NFU1: variants seen among roughly 807,000 people sequenced by gnomAD.
NFU1 encodes the protein NFU1 iron-sulfur cluster scaffold, also known as NFU1 iron-sulfur cluster scaffold homolog, mitochondrial.
In NFU1, 30 loss-of-function variants were observed where a neutral mutation model predicts 32.2. That is an observed-to-expected ratio of 0.93 (90% CI 0.70 to 1.26). The LOEUF (loss-of-function observed/expected upper bound fraction) is 1.26, where lower values mean the gene tolerates loss of function less well. Ranked by LOEUF, NFU1 falls within the 50% of genes most tolerant of loss-of-function variation. NFU1 has a pLI of 0.00. For synonymous variants in NFU1, 112 were observed against 104.6 expected (o/e 1.07, Z -0.43); for missense variants, 306 against 306.6 (o/e 1.00, Z 0.02).
upstream of NFU1, chr2:69,437,566 T>C (rs1673898586): frequency 9.9e-7 from 1 of 1,010,342 alleles, no homozygotes; most frequent in Non-Finnish European, 1.5e-6. Flanking sequence ...TGCGGTGGCC[T>C]ACGCGCCGAG....
At chr2:69,421,728 C>T (rs371618247) in intron 3 of NFU1, among the ~76,000 whole-genome samples, 141 of 152,056 alleles carry the variant, frequency 9.3e-4, no homozygotes, top group Non-Finnish European at 1.5e-3. Context: ...CCACCACATC[C>T]GGCTAATTTT....
At chr2:69,437,155 G>A (rs1673869911) in intron 1 of NFU1, 1 of 1,141,092 alleles carries the variant, frequency 8.8e-7, no homozygotes, top group Non-Finnish European at 1.2e-6. Context: ...AAGCTCCAGA[G>A]AGTCCGCCCG....
downstream of NFU1, chr2:69,395,937 T>C (rs552667917): frequency 1.1e-3 from 279 of 244,692 alleles, 6 homozygotes; most frequent in South Asian, 0.034. Flanking sequence ...TCTTCCTGTA[T>C]GGAAAAAAGT....
chr2:69,437,490 C>A, upstream of NFU1: 1 of 1,563,534 alleles, frequency 6.4e-7, no homozygotes, highest in South Asian at 1.2e-5. Context: ...GCAGGCTGGC[C>A]GGTAGCTGGG....
At chr2:69,416,812 C>T (rs970415095) in intron 4 of NFU1, among the ~76,000 whole-genome samples, 5 of 152,090 alleles carry the variant, frequency 3.3e-5, no homozygotes, top group Non-Finnish European at 7.3e-5. Flanking sequence ...GAAGGAGAAT[C>T]GCTTGAACCC....
rs759731697 is a variant in NFU1 at position 69,437,364 on chromosome 2, C to T, written c.59G>A (p.Arg20Lys). Residue 20 changes from arginine to lysine, a missense_variant, in exon 1 of 8, where the codon AGG (arginine) becomes AAG (lysine). Transcript: ENST00000410022. ...GAGCTCCAGGCTCGTCACCTACCGC[C>T]TGCGCAGCCCGGCGGCAACAGCCGC... ...GAAAVAAGLRRRFCHMLKNPY... is the reference protein window; with the variant it reads ...GAAAVAAGLRKRFCHMLKNPY... 5.6e-6 allele frequency: 9 copies of T among 1,607,626 alleles called. No individual in the cohort carries two copies. In the African/African-American group the frequency reaches 1.1e-4, roughly 19 times the overall value.
At chr2:69,417,542 C>T (rs1318343261) in intron 4 of NFU1, among the ~76,000 whole-genome samples, 1 of 151,618 alleles carries the variant, frequency 6.6e-6, no homozygotes, top group Non-Finnish European at 1.5e-5. Flanking sequence ...GTCCCAGCTA[C>T]TCGGGAAGCT....
chr2:69,400,780 C>T (rs1270226012), intron 6 of NFU1, among the ~76,000 whole-genome samples: 1 of 151,668 alleles, frequency 6.6e-6, no homozygotes, highest in Admixed American at 6.6e-5. Context: ...CGCATTTGAT[C>T]TTGCTTGCTA....
intron 5 of NFU1, among the ~76,000 whole-genome samples, chr2:69,413,682 C>G (rs1246830328): frequency 6.6e-6 from 1 of 152,130 alleles, no homozygotes; most frequent in African/African-American, 2.4e-5. Context: ...TCGCTTGAAC[C>G]TGGGAAGCAG....
chr2:69,430,385 G>A (rs1025497326), intron 2 of NFU1, among the ~76,000 whole-genome samples: 4 of 151,890 alleles, frequency 2.6e-5, no homozygotes, highest in Non-Finnish European at 5.9e-5. Context: ...GATAATTTTT[G>A]TATTTTTTTG....
chr2:69,411,461 T>G (rs973319556), intron 5 of NFU1, among the ~76,000 whole-genome samples: 1 of 152,086 alleles, frequency 6.6e-6, no homozygotes, highest in African/African-American at 2.4e-5. Flanking sequence ...AAATGAAAAT[T>G]TTCTGTATGA....
chr2:69,428,237 C>A (rs951755806), intron 2 of NFU1, among the ~76,000 whole-genome samples: 2 of 151,984 alleles, frequency 1.3e-5, no homozygotes, highest in African/African-American at 4.8e-5. Flanking sequence ...ACAGCCTGGT[C>A]AACATGGTAA....
intron 5 of NFU1, among the ~76,000 whole-genome samples, chr2:69,411,690 T>C (rs1019843769): frequency 2.6e-5 from 4 of 152,040 alleles, no homozygotes; most frequent in Non-Finnish European, 2.9e-5. Flanking sequence ...CCTCCTGGGC[T>C]CAAGCGATCC....
chr2:69,412,282 C>A (rs575196692), intron 5 of NFU1, among the ~76,000 whole-genome samples: 1 of 152,004 alleles, frequency 6.6e-6, no homozygotes, highest in South Asian at 2.1e-4. Flanking sequence ...ATCTCTTAAC[C>A]TCGTGATCTG....
At chr2:69,411,415 C>T (rs1672873494) in intron 5 of NFU1, among the ~76,000 whole-genome samples, 1 of 151,844 alleles carries the variant, frequency 6.6e-6, no homozygotes, top group South Asian at 2.1e-4. Flanking sequence ...AGGCATAAAC[C>T]ACAAAGGAAA....
At chr2:69,408,901 T>C (rs1235372612) in intron 5 of NFU1, among the ~76,000 whole-genome samples, 1 of 143,594 alleles carries the variant, frequency 7.0e-6, no homozygotes, top group East Asian at 2.0e-4. Flanking sequence ...GTTTCACTCT[T>C]TTACCTCAGC....
chr2:69,417,811 A>G (rs1357605364), intron 4 of NFU1, among the ~76,000 whole-genome samples: 1 of 152,048 alleles, frequency 6.6e-6, no homozygotes, highest in Non-Finnish European at 1.5e-5. Flanking sequence ...TAATGAAAGT[A>G]AGAGAGCTAA....
chr2:69,405,338 AT>A (rs1433955708), intron 6 of NFU1, among the ~76,000 whole-genome samples: 3 of 152,246 alleles, frequency 2.0e-5, no homozygotes, highest in Admixed American at 2.0e-4. Context: ...CAGAATTTTA[AT>A]TTTTGTCTTC....
intron 3 of NFU1, 60 bp downstream of exon 3, chr2:69,423,522 C>T: frequency 6.6e-7 from 1 of 1,512,940 alleles, no homozygotes; most frequent in South Asian, 1.2e-5. Flanking sequence ...GTTGTCTTAA[C>T]CCCAAAGTCA....
Sources: gnomAD v4.1 joint callset for allele counts (sites outside exome capture counted in the v4.1 genomes callset) on GRCh38, gnomAD v4.1.1 for gene constraint, MANE v1.5 for transcripts, NCBI Gene and HGNC (gene_info 2026-07-23, HGNC 2026-07-21) for gene names.